Variants in AP1B1 observed in about 807,000 individuals in gnomAD.
AP1B1 encodes adaptor related protein complex 1 subunit beta 1.
AP1B1 carries 36 observed loss-of-function variants against 104.3 expected under a neutral mutation model. The observed-to-expected ratio is 0.35, with a 90% CI of 0.26 to 0.46. The LOEUF is 0.46. AP1B1 is among the 20% of genes least tolerant of loss of function. The pLI is 1.00. For synonymous variants in AP1B1, 504 were observed against 517.5 expected (o/e 0.97, Z 0.35); for missense variants, 901 against 1,247.9 (o/e 0.72, Z 4.19).
chr22:29,370,257 A>G (rs2062210715), intron 1 of AP1B1, among the ~76,000 whole-genome samples: 1 of 152,044 alleles, frequency 6.6e-6, no homozygotes, highest in African/African-American at 2.4e-5. Context: ...GTTTGAGACC[A>G]GCCTGGGCAA....
chr22:29,331,702 C>A, intron 18 of AP1B1, 85 bp downstream of exon 18: 1 of 1,609,768 alleles, frequency 6.2e-7, no homozygotes, highest in Non-Finnish European at 8.5e-7. Context: ...AGCATGACTC[C>A]GCAGACACGA....
intron 1 of AP1B1, among the ~76,000 whole-genome samples, chr22:29,375,429 T>G (rs933946899): frequency 8.0e-5 from 12 of 150,246 alleles, no homozygotes; most frequent in Non-Finnish European, 1.3e-4. Flanking sequence ...TCTGTCCTGT[T>G]GAATGCTGTC....
chr22:29,375,758 A>G (rs1356475632), intron 1 of AP1B1, among the ~76,000 whole-genome samples: 1 of 152,122 alleles, frequency 6.6e-6, no homozygotes, highest in Non-Finnish European at 1.5e-5. Context: ...ATGTCAAACA[A>G]AAGAATATGA....
rs2062572288 is a variant in AP1B1, at chr22:29,388,522, C to T, written c.-126G>A. 1 of 152,186 alleles carries T rather than the reference C, an allele frequency of 6.6e-6. No homozygotes were observed. Among genetic ancestry groups the T allele is most frequent in the African/African-American group, 2.4e-5 (1 of 41,454 alleles). 9.4% of individuals were successfully genotyped at this position (152,186 alleles called of 1,614,324 possible). On this transcript the variant is annotated 5_prime_UTR_variant, in exon 1 of 23. Transcript: ENST00000357586. Reference sequence around the variant, plus strand: ...TCGCTCTCCCGGTGCGTCCGGGCTGCCGGCGGCTCGGAGCCCCGCGGCTGT... The same window carrying T: ...TCGCTCTCCCGGTGCGTCCGGGCTGTCGGCGGCTCGGAGCCCCGCGGCTGT...
At chr22:29,337,556 G>A (rs1266656960) in intron 16 of AP1B1, among the ~76,000 whole-genome samples, 4 of 152,144 alleles carry the variant, frequency 2.6e-5, no homozygotes, top group African/African-American at 9.7e-5. Flanking sequence ...CCTGCTTTGG[G>A]GTGGGGACCT....
chr22:29,342,190 A>G, intron 12 of AP1B1, 95 bp downstream of exon 12: 1 of 999,802 alleles, frequency 1.0e-6, no homozygotes, highest in South Asian at 1.5e-5. Context: ...CTGTCTTAGG[A>G]GCGGGCCTGG....
chr22:29,359,066 T>C (rs2062004694), intron 4 of AP1B1, 95 bp from the exon 5 acceptor site: 2 of 1,266,856 alleles, frequency 1.6e-6, no homozygotes, highest in East Asian at 5.0e-5. Flanking sequence ...CCTGCTAGGC[T>C]GAGCGACATC....
chr22:29,337,069 C>A (rs952713524), intron 16 of AP1B1, among the ~76,000 whole-genome samples: 3 of 152,212 alleles, frequency 2.0e-5, no homozygotes, highest in Non-Finnish European at 1.5e-5. Flanking sequence ...CGTTATGCCG[C>A]GATTCTACGT....
chr22:29,342,970 T>C (rs753375286), intron 11 of AP1B1, among the ~76,000 whole-genome samples: 2 of 152,156 alleles, frequency 1.3e-5, no homozygotes, highest in Non-Finnish European at 2.9e-5. Context: ...AGACCCCCCA[T>C]GCTTCTGCAG....
At position 29,349,282 on chromosome 22, in the gene AP1B1, C is replaced by T. The variant is rs780846849; in HGVS notation, c.1373G>A (p.Arg458Gln). 5 of 1,614,060 alleles carry T rather than the reference C, an allele frequency of 3.1e-6. No homozygotes were observed. The highest frequency in any genetic ancestry group is 1.1e-5 in the South Asian group (1 of 91,082). ...MIWIVGEYAE[R>Q]IDNADELLES... ...CAGCAGCTCATCTGCGTTGTCGATC[C>T]GTTCCGCGTACTCGCCCACAATCCA... Residue 458 changes from arginine to glutamine, a missense_variant, in exon 11 of 23, where the codon CGG (arginine) becomes CAG (glutamine). Coordinates refer to ENST00000357586, the MANE Select transcript of AP1B1 (RefSeq NM_001127.4).
At chr22:29,330,210 G>T (rs762293313) in intron 21 of AP1B1, 168 bp downstream of exon 21, 1 of 1,467,638 alleles carries the variant, frequency 6.8e-7, no homozygotes, top group Non-Finnish European at 9.0e-7. Context: ...GTAACCTGAC[G>T]GGGTTGATTT....
intron 1 of AP1B1, among the ~76,000 whole-genome samples, chr22:29,377,627 A>G (rs1192611758): frequency 6.6e-6 from 1 of 151,902 alleles, no homozygotes; most frequent in East Asian, 1.9e-4. Flanking sequence ...TGGTCAACAT[A>G]GTGAAACCTG....
rs1316356869 is a variant in AP1B1, at chr22:29,334,216, T to C, written c.2309+49A>G. ...CCCAGAACAGACTCCGAGTGGGTTC[T>C]CTCACAGGCCTCCTCTTGAGAGGTG... On this transcript the variant is annotated intron_variant, in intron 17 of 22. Transcript: ENST00000357586. 12 of 1,518,762 alleles carry C rather than the reference T, an allele frequency of 7.9e-6. 1 individual carries two copies. In the South Asian group the frequency reaches 1.0e-4, roughly 13 times the overall value. The allele number at this position is 1,518,762 out of a possible 1,614,324, so 94.1% of individuals were successfully genotyped here.
chr22:29,329,801 G>A (rs878925712), intron 21 of AP1B1, 81 bp from the exon 22 acceptor site: 40 of 1,597,888 alleles, frequency 2.5e-5, no homozygotes, highest in South Asian at 1.1e-4. Context: ...CCGAAGCCAC[G>A]CCACAGCCCC....
rs754324320 is a variant in AP1B1 at position 29,350,185 on chromosome 22, C to T, written c.1156-35G>A. ...AAGAGAAGAGTGTGGGCGAGGTCCC[C>T]GCACCCCATTTCCAGTAGAGCCTCT... On this transcript the variant is annotated intron_variant, in intron 9 of 22. Coordinates refer to ENST00000357586, the MANE Select transcript of AP1B1 (RefSeq NM_001127.4). 2.1e-5 allele frequency: 33 copies of T among 1,565,068 alleles called. 1 individual carries two copies. Among genetic ancestry groups the T allele is most frequent in the Admixed American group, 1.7e-4 (10 of 59,612 alleles).
At chr22:29,330,012 G>T (rs868633109) in intron 21 of AP1B1, 116 of 1,410,190 alleles carry the variant, frequency 8.2e-5, no homozygotes, top group Middle Eastern at 7.9e-4. Flanking sequence ...GGAGGTTCAG[G>T]CTCCTGGGAA....
At position 29,351,795 on chromosome 22, in the gene AP1B1, C is replaced by T; in HGVS notation, c.969G>A (p.Val323=). ...TAGGGTCGTTGTACTTCACGAAGAA[C>T]ACCTTCATCTCATGCTTCAGGATCT... is the stretch of plus-strand genomic sequence containing the variant. ...RPEILKHEMK[V]FFVKYNDPIY... is the part of the protein sequence containing the mutation. Residue 323 remains valine, a synonymous_variant, in exon 8 of 23, where the codon GTG becomes GTA. Coordinates refer to ENST00000357586, the MANE Select transcript of AP1B1 (RefSeq NM_001127.4). The T allele has an allele frequency of 1.2e-6, 2 of 1,614,200 alleles. No homozygotes were observed. The highest frequency in any genetic ancestry group is 1.7e-6 in the Non-Finnish European group (2 of 1,180,036).
intron 1 of AP1B1, among the ~76,000 whole-genome samples, chr22:29,387,634 A>G (rs1267523377): frequency 1.3e-5 from 2 of 151,956 alleles, no homozygotes; most frequent in African/African-American, 4.8e-5. Flanking sequence ...CTACACCCCA[A>G]CCTTAACTCC....
chr22:29,379,092 G>A (rs1044325261), intron 1 of AP1B1, among the ~76,000 whole-genome samples: 2 of 152,162 alleles, frequency 1.3e-5, no homozygotes, highest in Non-Finnish European at 2.9e-5. Flanking sequence ...AGTGGCTCAT[G>A]CCTGTAATCC....
Sources: allele counts gnomAD v4.1 joint callset (sites outside exome capture counted in the v4.1 genomes callset), GRCh38; gene constraint gnomAD v4.1.1; transcripts MANE v1.5; gene names NCBI Gene and HGNC (gene_info 2026-07-23, HGNC 2026-07-21).